The following IQCM variants were observed in gnomAD, a reference collection of about 807,000 sequenced individuals.
IQCM encodes the protein IQ motif containing M.
Under a neutral mutation model 57.6 loss-of-function variants are expected in IQCM, and 45 were observed. The observed-to-expected ratio is 0.78, with a 90% CI of 0.62 to 1.00. The LOEUF is 1.00. Ranked by LOEUF, IQCM falls within the 50% of genes least tolerant of loss-of-function variation. IQCM has a pLI of 0.00. For missense variants in IQCM, 468 were observed against 511.6 expected (o/e 0.91, Z 0.82); for synonymous variants, 148 against 158.9 (o/e 0.93, Z 0.51).
At chr4:149,615,476 T>C (rs1160283872) in intron 8 of IQCM, among the ~76,000 whole-genome samples, 1 of 152,168 alleles carries the variant, frequency 6.6e-6, no homozygotes. Flanking sequence ...TAGGGTCCCA[T>C]GTGCCACTGA....
intron 12 of IQCM, among the ~76,000 whole-genome samples, chr4:149,463,407 G>T (rs1579142420): frequency 6.6e-6 from 1 of 152,170 alleles, no homozygotes; most frequent in Non-Finnish European, 1.5e-5. Flanking sequence ...GTATTATGGT[G>T]CCCTGAAACT....
At chr4:149,566,780 T>C (rs1750675470) in intron 9 of IQCM, among the ~76,000 whole-genome samples, 1 of 152,170 alleles carries the variant, frequency 6.6e-6, no homozygotes, top group Admixed American at 6.5e-5. Flanking sequence ...CTCTAGATAA[T>C]TGGAATGTTA....
chr4:149,763,177 A>T (rs1415141161), intron 2 of IQCM, among the ~76,000 whole-genome samples: 1 of 151,994 alleles, frequency 6.6e-6, no homozygotes, highest in Non-Finnish European at 1.5e-5. Context: ...CCAGGAAGCA[A>T]TAATGTGGAC....
chr4:149,725,844 C>T (rs1765842375), intron 5 of IQCM, among the ~76,000 whole-genome samples: 1 of 152,046 alleles, frequency 6.6e-6, no homozygotes, highest in African/African-American at 2.4e-5. Flanking sequence ...CCCTAAGAAA[C>T]CCAAGAGCTT....
intron 5 of IQCM, among the ~76,000 whole-genome samples, chr4:149,700,217 G>T (rs1196598733): frequency 6.6e-6 from 1 of 152,004 alleles, no homozygotes; most frequent in Non-Finnish European, 1.5e-5. Context: ...ATCTAAGCAG[G>T]TCTGACATAC....
intron 13 of IQCM, among the ~76,000 whole-genome samples, chr4:149,387,474 G>GT (rs1731504791): frequency 6.6e-6 from 1 of 151,898 alleles, no homozygotes; most frequent in Non-Finnish European, 1.5e-5. Context: ...TCCAAATTAG[G>GT]TTTCTTAGGG....
chr4:149,417,615 T>A (rs1043495441), intron 13 of IQCM, among the ~76,000 whole-genome samples: 1 of 152,090 alleles, frequency 6.6e-6, no homozygotes, highest in African/African-American at 2.4e-5. Context: ...AACAGGTGCA[T>A]CACAGATTGG....
chr4:149,479,313 A>T (rs1740530704), intron 12 of IQCM, among the ~76,000 whole-genome samples: 1 of 152,214 alleles, frequency 6.6e-6, no homozygotes, highest in Non-Finnish European at 1.5e-5. Context: ...TTCTAGGGGT[A>T]GAGATCATAG....
At chr4:149,612,971 A>G (rs904051814) in intron 8 of IQCM, among the ~76,000 whole-genome samples, 2 of 152,070 alleles carry the variant, frequency 1.3e-5, no homozygotes, top group Admixed American at 6.6e-5. Context: ...AGTTAATTCC[A>G]ACCCCACTAT....
intron 9 of IQCM, among the ~76,000 whole-genome samples, chr4:149,586,532 T>G (rs920597278): frequency 1.3e-5 from 2 of 151,706 alleles, no homozygotes; most frequent in Non-Finnish European, 3.0e-5. Context: ...CACATAAATT[T>G]TATTAATCTT....
intron 2 of IQCM, among the ~76,000 whole-genome samples, chr4:149,805,283 G>C (rs900579355): frequency 8.6e-5 from 13 of 151,928 alleles, no homozygotes; most frequent in African/African-American, 3.1e-4. Flanking sequence ...ATGCTTTTCT[G>C]TTTGTTTTTA....
intron 12 of IQCM, among the ~76,000 whole-genome samples, chr4:149,480,136 ACT>A (rs1740623863): frequency 6.6e-6 from 1 of 151,108 alleles, no homozygotes; most frequent in African/African-American, 2.4e-5. Context: ...ACATAACATC[ACT>A]CTGATTTACC....
intron 9 of IQCM, among the ~76,000 whole-genome samples, chr4:149,581,307 T>TG (rs1561017500): frequency 4.0e-5 from 6 of 148,914 alleles, no homozygotes; most frequent in Non-Finnish European, 9.0e-5. Context: ...ATATATATAC[T>TG]TGTGTGTGTG....
chr4:149,632,938 G>A (rs548673012), intron 7 of IQCM, among the ~76,000 whole-genome samples: 1 of 151,244 alleles, frequency 6.6e-6, no homozygotes, highest in Non-Finnish European at 1.5e-5. Context: ...GAGGCGGGTG[G>A]ATCATGAGGT....
Position 149,723,390 on chromosome 4 carries a change from C to A in IQCM, c.385+9854G>T, listed in dbSNP as rs537261848. Among the ~76,000 whole-genome samples the A allele has an allele frequency of 3.9e-5, 6 of 151,910 alleles. No homozygotes were observed. The South Asian group carries it at 1.0e-3, about 26-fold the overall frequency. On this transcript the variant is annotated intron_variant, in intron 5 of 13. Coordinates refer to ENST00000636793, the MANE Select transcript of IQCM (RefSeq NM_001363507.2). ...AGTACTTAGGAGAAATGTTTTCAAC[C>A]TTTCATTGTTCAGCATGTTATTGGC...
chr4:149,497,291 G>T (rs1162400700), intron 12 of IQCM, among the ~76,000 whole-genome samples: 1 of 152,086 alleles, frequency 6.6e-6, no homozygotes, highest in Non-Finnish European at 1.5e-5. Context: ...GGGCTTTCAG[G>T]CACCAGCATC....
chr4:149,525,201 C>G (rs1746037294), intron 12 of IQCM, among the ~76,000 whole-genome samples: 1 of 151,826 alleles, frequency 6.6e-6, no homozygotes, highest in African/African-American at 2.4e-5. Flanking sequence ...CGAAATATCA[C>G]AGACTAGCTT....
intron 13 of IQCM, among the ~76,000 whole-genome samples, chr4:149,403,409 G>A (rs763649666): frequency 9.2e-5 from 14 of 151,906 alleles, no homozygotes; most frequent in Non-Finnish European, 1.8e-4. Flanking sequence ...TTCCAAATAG[G>A]ATCATCATAG....
At chr4:149,574,840 G>T (rs1394983756) in intron 9 of IQCM, among the ~76,000 whole-genome samples, 2 of 151,898 alleles carry the variant, frequency 1.3e-5, no homozygotes, top group African/African-American at 2.4e-5. Context: ...AGTGATTAAG[G>T]ATACTTATTT....
Sources: gnomAD v4.1 joint callset for allele counts (sites outside exome capture counted in the v4.1 genomes callset) on GRCh38, gnomAD v4.1.1 for gene constraint, MANE v1.5 for transcripts, NCBI Gene and HGNC (gene_info 2026-07-23, HGNC 2026-07-21) for gene names.